The following CEACAM19 variants were observed in gnomAD, a reference collection of about 807,000 sequenced individuals.
CEACAM19 encodes the protein cell adhesion molecule CEACAM19.
In CEACAM19, 37 loss-of-function variants were observed where a neutral mutation model predicts 37.6. That is an observed-to-expected ratio of 0.98 (90% CI 0.76 to 1.29). The LOEUF is 1.29. Among genes scored for constraint, CEACAM19 ranks in the 50% most tolerant of loss-of-function variants. The pLI is 0.00. For synonymous variants in CEACAM19, 140 were observed against 149.8 expected, an observed-to-expected ratio of 0.93 and a Z score of 0.48; for missense variants, 340 against 375.6, an observed-to-expected ratio of 0.91 and a Z score of 0.78.
chr19:44,668,977 G>A (rs982826912), upstream of CEACAM19, among the ~76,000 whole-genome samples: 5 of 149,136 alleles, frequency 3.4e-5, no homozygotes, highest in East Asian at 2.0e-4. Context: ...GCGCCACCAC[G>A]GCCAGCTAAT....
intron 5 of CEACAM19, 108 bp downstream of exon 5, chr19:44,680,442 G>A (rs1974036028): frequency 2.9e-6 from 3 of 1,028,860 alleles, no homozygotes; most frequent in Admixed American, 4.0e-5. Context: ...ACCTCCCAAT[G>A]CACCTGCCCC....
Position 44,672,716 on chromosome 19 carries a change from C to T in CEACAM19, c.176C>T (p.Thr59Ile), listed in dbSNP as rs548730214. 54 of 1,581,762 alleles carry T rather than the reference C, an allele frequency of 3.4e-5. No individual in the cohort carries two copies. In the Middle Eastern group the frequency reaches 1.3e-3, roughly 39 times the overall value. ...LLLSVQGVPD[T>I]FQDFNWYLGE... ...CTGTCAGTCCAGGGTGTCCCAGACA[C>T]CTTCCAGGACTTCAACTGGTACCTG... Residue 59 changes from threonine (T) to isoleucine (I), a missense_variant, in exon 2 of 8, where the codon ACC (threonine) becomes ATC (isoleucine). By Grantham distance (89) the Thr-to-Ile change is moderately conservative. Coordinates refer to ENST00000358777, the MANE Select transcript of CEACAM19 (RefSeq NM_001127893.3).
At position 44,682,620 on chromosome 19, in the gene CEACAM19, G is replaced by C; in HGVS notation, c.846G>C (p.Gln282His). The change falls in exon 7 of 8, where the codon CAG (glutamine) becomes CAC (histidine). Residue 282 changes from glutamine to histidine, a missense_variant and splice_region_variant. Coordinates refer to ENST00000358777, the MANE Select transcript of CEACAM19 (RefSeq NM_001127893.3). ...CGGAGCCAGAGAACCACCAGTACCA[G>C]GTATGGAGCTGGGAGCTGGGAGGGG... The part of the protein sequence containing the change: ...LQAEPENHQY[Q>H]DLLNPDPAPY... 6.2e-7 allele frequency: 1 copy of C among 1,602,000 alleles called. No individual in the cohort carries two copies. The highest frequency in any genetic ancestry group is 1.1e-5 in the South Asian group (1 of 88,776).
At chr19:44,666,906 A>G (rs1274426912), upstream of CEACAM19, 2 of 151,886 alleles carry the variant, frequency 1.3e-5, no homozygotes, top group Non-Finnish European at 2.9e-5. Context: ...CCTCTTGCAT[A>G]CAGTTCTCCC....
Position 44,676,328 on chromosome 19 carries a change from C to T in CEACAM19, c.482C>T (p.Ala161Val). The change falls in exon 3 of 8, where the codon GCC becomes GTC. Residue 161 changes from alanine to valine, a missense_variant. Coordinates refer to ENST00000358777, the MANE Select transcript of CEACAM19 (RefSeq NM_001127893.3). ...HLPTNAGILA[A>V]TIIGSLAAGA... ...CCCACCAACGCTGGGATCCTGGCGG[C>T]CACCATCATTGGATCTCTTGCTGCC... 1 of 1,614,102 alleles carries T rather than the reference C, an allele frequency of 6.2e-7. No homozygotes were observed. Among genetic ancestry groups the T allele is most frequent in the Non-Finnish European group, 8.5e-7 (1 of 1,180,002 alleles).
chr19:44,676,756 TGA>T (rs1973957672), intron 3 of CEACAM19, among the ~76,000 whole-genome samples: 1 of 152,132 alleles, frequency 6.6e-6, no homozygotes, highest in Non-Finnish European at 1.5e-5. Flanking sequence ...CCCAGGTAGC[TGA>T]GACTACAGGT....
intron 7 of CEACAM19, 80 bp from the exon 8 acceptor site, chr19:44,683,357 C>T (rs2165539): frequency 0.029 from 18,226 of 623,980 alleles, 1,228 homozygotes; most frequent in African/African-American, 0.19. Context: ...CGCTGTCTCT[C>T]ATCCTCTGTC....
upstream of CEACAM19, among the ~76,000 whole-genome samples, chr19:44,667,908 ATATATATAAAT>A (rs1284700752): frequency 5.1e-5 from 4 of 78,644 alleles, no homozygotes; most frequent in East Asian, 1.5e-3. Context: ...AATATATAAA[ATATATATAAAT>A]TATATATAAT....
chr19:44,680,367 C>T, intron 5 of CEACAM19, 33 bp downstream of exon 5: 1 of 1,588,554 alleles, frequency 6.3e-7, no homozygotes. Context: ...CACTACCTAG[C>T]CCTCCTCTCA....
At chr19:44,678,523 G>GCCTCAGCTT (rs1208828187) in intron 3 of CEACAM19, 5 of 188,912 alleles carry the variant, frequency 2.6e-5, no homozygotes, top group Non-Finnish European at 5.4e-5. Context: ...CGATTTTCCT[G>GCCTCAGCTT]CCTCAGCTTC....
In CEACAM19 at chr19:44,678,759, C is replaced by T. The variant is rs111607487; in HGVS notation, c.576-94C>T. ...ACACACACCTTCCACCCCCTCCCCC[C>T]TCTCCATTTTCCTTCATAGGGAAGG... is the stretch of plus-strand genomic sequence containing the variant. On this transcript the variant is annotated intron_variant, in intron 3 of 7. Transcript: ENST00000358777. 2.0e-3 allele frequency: 3,081 copies of T among 1,527,812 alleles called. 60 individuals carry two copies. The African/African-American group carries it at 0.037, about 18-fold the overall frequency. 94.6% of individuals were successfully genotyped at this position (1,527,812 alleles called of 1,614,324 possible).
chr19:44,682,194 G>T (rs765802623), intron 6 of CEACAM19, among the ~76,000 whole-genome samples: 1 of 152,160 alleles, frequency 6.6e-6, no homozygotes, highest in Admixed American at 6.5e-5. Flanking sequence ...AGGCTGCAGC[G>T]AGTGGTGATT....
At position 44,680,352 on chromosome 19, in the gene CEACAM19, G is replaced by T. The variant is rs763110305; in HGVS notation, c.706+18G>T. The T allele has an allele frequency of 6.2e-7, 1 of 1,606,208 alleles. No homozygotes were observed. Among genetic ancestry groups the T allele is most frequent in the Non-Finnish European group, 8.5e-7 (1 of 1,176,690 alleles). Reference sequence around the variant, plus strand: ...TGATGCTGGTAAGGCGGGAGCCCCAGATCTCACTACCTAGCCCTCCTCTCA... The same window carrying T: ...TGATGCTGGTAAGGCGGGAGCCCCATATCTCACTACCTAGCCCTCCTCTCA... On this transcript the variant is annotated intron_variant, in intron 5 of 7. Coordinates refer to ENST00000358777, the MANE Select transcript of CEACAM19 (RefSeq NM_001127893.3).
upstream of CEACAM19, among the ~76,000 whole-genome samples, chr19:44,670,781 GAAAAAA>G (rs74691226): frequency 0.084 from 4,808 of 57,544 alleles, 73 homozygotes; most frequent in African/African-American, 0.13. Context: ...CCTGTCTCAA[GAAAAAA>G]AAAAAAAAAA....
Position 44,676,258 on chromosome 19 carries a change from T to C in CEACAM19, c.425-13T>C. ...ACAGTCCCCCCTCTCTCTTTCTTTCTCTCACCCCTCAGAAAAGAATAAGGA... is the reference window on the plus strand; with the variant it reads ...ACAGTCCCCCCTCTCTCTTTCTTTCCCTCACCCCTCAGAAAAGAATAAGGA... On this transcript the variant is annotated splice_polypyrimidine_tract_variant and intron_variant, in intron 2 of 7. Transcript: ENST00000358777. 1.2e-6 allele frequency: 2 copies of C among 1,613,180 alleles called. No homozygotes were observed. Among genetic ancestry groups the C allele is most frequent in the Non-Finnish European group, 1.7e-6 (2 of 1,179,402 alleles).
chr19:44,667,698 A>T (rs1416644591), upstream of CEACAM19, among the ~76,000 whole-genome samples: 3 of 82,274 alleles, frequency 3.6e-5, no homozygotes, highest in Non-Finnish European at 6.4e-5. Flanking sequence ...AATATATAAT[A>T]TATATTATAT....
At chr19:44,670,861 C>T (rs141093509), upstream of CEACAM19, among the ~76,000 whole-genome samples, 736 of 149,212 alleles carry the variant, frequency 4.9e-3, 3 homozygotes, top group African/African-American at 0.017. Flanking sequence ...TTTGGGAGGC[C>T]AAGGTGGGCA....
At chr19:44,681,398 T>C (rs1454001031) in intron 6 of CEACAM19, 86 bp downstream of exon 6, 1 of 795,266 alleles carries the variant, frequency 1.3e-6, no homozygotes, top group African/African-American at 1.8e-5. Context: ...TGGGCCATCT[T>C]GACACCAGGT....
chr19:44,679,881 G>A (rs1452209018), intron 4 of CEACAM19, among the ~76,000 whole-genome samples: 2 of 152,186 alleles, frequency 1.3e-5, no homozygotes, highest in Non-Finnish European at 2.9e-5. Context: ...AGTGAGCTGA[G>A]ATCACGCCAT....
Sources: gnomAD v4.1 joint callset for allele counts (sites outside exome capture counted in the v4.1 genomes callset) on GRCh38, gnomAD v4.1.1 for gene constraint, MANE v1.5 for transcripts, NCBI Gene and HGNC (gene_info 2026-07-23, HGNC 2026-07-21) for gene names.